Variants in ZNF423 observed in about 807,000 individuals in gnomAD.
The protein encoded by ZNF423 is zinc finger protein 423.
In ZNF423, 12 loss-of-function variants were observed where a neutral mutation model predicts 95.8. That is an observed-to-expected ratio of 0.13 (90% CI 0.08 to 0.20). The LOEUF (loss-of-function observed/expected upper bound fraction) is 0.20. Ranked by LOEUF, ZNF423 falls within the 10% of genes least tolerant of loss-of-function variation. ZNF423 has a pLI of 1.00. For missense variants in ZNF423, 1,316 were observed against 1,737.1 expected (o/e 0.76, Z 4.31); for synonymous variants, 749 against 711.9 (o/e 1.05, Z -0.83).
At chr16:49,558,450 C>T (rs1359920901) in intron 5 of ZNF423, among the ~76,000 whole-genome samples, 2 of 152,240 alleles carry the variant, frequency 1.3e-5, no homozygotes, top group South Asian at 2.1e-4. Flanking sequence ...CCCTGGGTCA[C>T]TTCCCAACTT....
At chr16:49,788,572 A>G (rs2034356909) in intron 2 of ZNF423, among the ~76,000 whole-genome samples, 1 of 152,244 alleles carries the variant, frequency 6.6e-6, no homozygotes, top group Non-Finnish European at 1.5e-5. Context: ...TTCCACAACT[A>G]AAAGAGGAGA....
chr16:49,789,878 T>C (rs932910864), intron 1 of ZNF423, among the ~76,000 whole-genome samples: 1 of 152,112 alleles, frequency 6.6e-6, no homozygotes, highest in Admixed American at 6.5e-5. Flanking sequence ...TGGTGAGTGC[T>C]CATGACCCTG....
intron 5 of ZNF423, among the ~76,000 whole-genome samples, chr16:49,533,575 T>C (rs1968936072): frequency 6.6e-6 from 1 of 152,234 alleles, no homozygotes. Context: ...AGCTTGAGAA[T>C]GATTTCTGGT....
Position 49,636,394 on chromosome 16 carries a change from G to A in ZNF423, c.2782C>T (p.Arg928Cys), listed in dbSNP as rs201335350. 3.5e-5 allele frequency: 57 copies of A among 1,613,200 alleles called. No homozygotes were observed. The highest frequency in any genetic ancestry group is 1.7e-4 in the Middle Eastern group (1 of 6,060). The change falls in exon 4 of 8, where the codon CGC becomes TGC. Residue 928 changes from arginine (R) to cysteine (C), a missense_variant. Arg to Cys is a radical substitution (Grantham distance 180). Transcript: ENST00000563137. This position sits in a 1 kb window ranked among gnomAD's most constrained non-coding sequence, Gnocchi z 8.6. Reference protein sequence around the residue: ...NIRPGEDDGSRKKAEFIKGSH... With the variant: ...NIRPGEDDGSCKKAEFIKGSH... The stretch of plus-strand genomic sequence containing the variant: ...CCCTTGATAAACTCAGCCTTCTTGC[G>A]TGAGCCATCATCCTCGCCCGGCCGG...
chr16:49,777,684 C>A (rs945106908), intron 2 of ZNF423, among the ~76,000 whole-genome samples: 1 of 152,170 alleles, frequency 6.6e-6, no homozygotes, highest in Non-Finnish European at 1.5e-5. Context: ...CTACAGAAAG[C>A]GTGCCCTAGA....
At chr16:49,631,694 C>A (rs901288605) in intron 4 of ZNF423, among the ~76,000 whole-genome samples, 3 of 152,162 alleles carry the variant, frequency 2.0e-5, no homozygotes, top group African/African-American at 7.2e-5. Context: ...AATGGCCAGG[C>A]CCTTCAAGAC....
At chr16:49,798,127 T>C (rs1311077081) in intron 1 of ZNF423, among the ~76,000 whole-genome samples, 1 of 152,192 alleles carries the variant, frequency 6.6e-6, no homozygotes. Context: ...GGAGGATCAC[T>C]TGAGCCCAGG....
At chr16:49,805,425 AT>A (rs749439829) in intron 1 of ZNF423, among the ~76,000 whole-genome samples, 3 of 152,122 alleles carry the variant, frequency 2.0e-5, no homozygotes, top group Non-Finnish European at 2.9e-5. Context: ...GGCTAAACTA[AT>A]TTTTTTAAGT....
intron 1 of ZNF423, chr16:49,854,901 CTG>C (rs1817464952): frequency 1.0e-6 from 1 of 985,164 alleles, no homozygotes; most frequent in African/African-American, 1.7e-5. Flanking sequence ...GAAAGCCGGC[CTG>C]GGTGTCGAGG....
rs113383321 is a variant in ZNF423, at chr16:49,707,352, G to C, written c.301+23419C>G. ...GCATTTGTCAGGCATGGTGGCTCAC[G>C]CCTGTAATCCTAGCACTTTGGGAGG... is the stretch of plus-strand genomic sequence containing the variant. On this transcript the variant is annotated intron_variant, in intron 3 of 7. Transcript: ENST00000563137. Among the ~76,000 whole-genome samples the C allele has an allele frequency of 2.8e-3, 428 of 152,252 alleles. 2 individuals are homozygous for C. Among genetic ancestry groups the C allele is most frequent in the African/African-American group, 9.7e-3 (403 of 41,532 alleles).
chr16:49,716,503 C>A (rs2032711271), intron 3 of ZNF423, among the ~76,000 whole-genome samples: 2 of 152,210 alleles, frequency 1.3e-5, no homozygotes, highest in Non-Finnish European at 2.9e-5. Flanking sequence ...GCAGCCAAAT[C>A]CTAGCCAGTC....
intron 2 of ZNF423, among the ~76,000 whole-genome samples, chr16:49,746,309 G>A (rs1030260264): frequency 1.3e-5 from 2 of 152,072 alleles, no homozygotes; most frequent in East Asian, 1.9e-4. Context: ...CTGTGAGAGC[G>A]GGTCTCACAG....
chr16:49,496,146 C>T (rs894007141), intron 7 of ZNF423, among the ~76,000 whole-genome samples: 7 of 152,198 alleles, frequency 4.6e-5, no homozygotes, highest in Non-Finnish European at 8.8e-5. Flanking sequence ...TTTCGTGGGC[C>T]GAGATGGGCT....
intron 3 of ZNF423, among the ~76,000 whole-genome samples, chr16:49,713,801 G>A (rs776683142): frequency 2.0e-5 from 3 of 152,200 alleles, no homozygotes; most frequent in South Asian, 2.1e-4. Flanking sequence ...GATGCCATCC[G>A]TGAGACTGGA....
chr16:49,780,780 C>T (rs770564975), intron 2 of ZNF423, among the ~76,000 whole-genome samples: 1 of 152,260 alleles, frequency 6.6e-6, no homozygotes. Context: ...ACAGGCTCCC[C>T]AGCCGAGCTA....
chr16:49,715,905 G>T (rs2032691211), intron 3 of ZNF423, among the ~76,000 whole-genome samples: 1 of 151,916 alleles, frequency 6.6e-6, no homozygotes, highest in African/African-American at 2.4e-5. Context: ...GGGCACAGTG[G>T]GGCATGGTGG....
intron 3 of ZNF423, among the ~76,000 whole-genome samples, chr16:49,660,442 A>G (rs2030152111): frequency 6.6e-6 from 1 of 152,238 alleles, no homozygotes; most frequent in Admixed American, 6.5e-5. Flanking sequence ...AAGAAGCAGC[A>G]AGGAGCCACT....
chr16:49,491,743 C>T lies in ZNF423; in HGVS notation c.3850-439G>A, dbSNP rs939096601. Reference sequence around the variant, plus strand: ...CTCGCATCCCCCTCTCAGTCTTCCCCGTGGCTGCTCCGAGCCTAGCAGAGG... The same window carrying T: ...CTCGCATCCCCCTCTCAGTCTTCCCTGTGGCTGCTCCGAGCCTAGCAGAGG... On this transcript the variant is annotated intron_variant, in intron 7 of 7. Coordinates refer to ENST00000563137, the MANE Select transcript of ZNF423 (RefSeq NM_001379286.1). 5.3e-5 allele frequency among the ~76,000 whole-genome samples: 8 copies of T among 152,128 alleles called. No individual in the cohort carries two copies. The East Asian group carries it at 1.3e-3, about 26-fold the overall frequency.
intron 3 of ZNF423, among the ~76,000 whole-genome samples, chr16:49,696,433 C>A (rs1325854035): frequency 6.6e-6 from 1 of 152,194 alleles, no homozygotes; most frequent in Non-Finnish European, 1.5e-5. Context: ...AGAGAAGGAC[C>A]TCATACCAGG....
Sources: allele counts gnomAD v4.1 joint callset (sites outside exome capture counted in the v4.1 genomes callset), GRCh38; gene constraint gnomAD v4.1.1; non-coding constraint Gnocchi (gnomAD v3.1); transcripts MANE v1.5; gene names NCBI Gene and HGNC (gene_info 2026-07-23, HGNC 2026-07-21).